The following SOX5 variants were observed in gnomAD, a reference collection of about 807,000 sequenced individuals.
SOX5 encodes transcription factor SOX-5.
In SOX5, 9 loss-of-function variants were observed where a neutral mutation model predicts 92.0. The ratio of observed to expected loss-of-function variants is 0.10; its 90% confidence interval spans 0.06 to 0.17. SOX5 has a LOEUF of 0.17. Among genes scored for constraint, SOX5 ranks in the 10% least tolerant of loss-of-function variants. SOX5 has a pLI of 1.00. For missense variants in SOX5, 642 were observed against 944.5 expected (o/e 0.68, Z 4.20); for synonymous variants, 344 against 336.3 (o/e 1.02, Z -0.25).
rs12322104 is a variant in SOX5 at position 24,393,627 on chromosome 12, C to A, written c.-250-24988G>T. Among the ~76,000 whole-genome samples the A allele has an allele frequency of 6.6e-6, 1 of 152,164 alleles. No homozygotes were observed. Among genetic ancestry groups the A allele is most frequent in the South Asian group, 2.1e-4 (1 of 4,810 alleles). On this transcript the variant is annotated intron_variant, in intron 1 of 4. Transcript: ENST00000446891. The surrounding 1 kb of genome is among the most constrained non-coding windows in gnomAD (Gnocchi z 5.0). ...ATTATGAAATAGATAATCTTTTATACGGATTACGCTTTAAGACATGGCCCT... is the reference window on the plus strand; with the variant it reads ...ATTATGAAATAGATAATCTTTTATAAGGATTACGCTTTAAGACATGGCCCT...
intron 3 of SOX5, among the ~76,000 whole-genome samples, chr12:24,254,212 G>A (rs754454121): frequency 2.0e-5 from 3 of 151,506 alleles, no homozygotes; most frequent in African/African-American, 4.9e-5. Flanking sequence ...GGGTCTCATC[G>A]GGACATAATT....
intron 4 of SOX5, among the ~76,000 whole-genome samples, chr12:23,983,105 ATT>A (rs62869160): frequency 1.2e-3 from 170 of 145,152 alleles, no homozygotes; most frequent in Middle Eastern, 3.6e-3. Flanking sequence ...TCTGGAGTCC[ATT>A]TTTTTTTTTT....
intron 3 of SOX5, among the ~76,000 whole-genome samples, chr12:23,820,206 T>G (rs10842227): frequency 0.17 from 26,027 of 152,220 alleles, 2,782 homozygotes; most frequent in East Asian, 0.51. Flanking sequence ...TTTCATGTTT[T>G]TTGGCCGCAT....
chr12:23,647,964 T>A (rs928045646), intron 7 of SOX5, among the ~76,000 whole-genome samples: 4 of 152,242 alleles, frequency 2.6e-5, no homozygotes, highest in African/African-American at 9.6e-5. Context: ...TCGCAACTTG[T>A]CTGTCTCGTG....
chr12:24,333,998 C>T (rs1016195233), intron 2 of SOX5, among the ~76,000 whole-genome samples: 8 of 151,180 alleles, frequency 5.3e-5, no homozygotes, highest in Non-Finnish European at 1.0e-4. Flanking sequence ...TTAATATAAC[C>T]CTGAAACAAA....
chr12:24,193,399 C>A (rs2139433283), intron 4 of SOX5, among the ~76,000 whole-genome samples: 1 of 152,322 alleles, frequency 6.6e-6, no homozygotes, highest in South Asian at 2.1e-4. Context: ...TGAAGTCAAT[C>A]CTGACTCAGA....
intron 9 of SOX5, among the ~76,000 whole-genome samples, chr12:23,603,455 T>TATATATATATAAA (rs1202592393): frequency 6.9e-6 from 1 of 144,946 alleles, no homozygotes; most frequent in Non-Finnish European, 1.5e-5. Flanking sequence ...AATATATATA[T>TATATATATATAAA]ATATATATAT....
At chr12:24,195,532 G>A (rs1423742700) in intron 4 of SOX5, among the ~76,000 whole-genome samples, 2 of 152,000 alleles carry the variant, frequency 1.3e-5, no homozygotes, top group Non-Finnish European at 2.9e-5. Context: ...AACAAGCTTT[G>A]GCAAATTTAA....
At position 24,512,873 on chromosome 12, in the gene SOX5, C is replaced by T. The variant is rs572563796; in HGVS notation, c.-251+49456G>A. Among the ~76,000 whole-genome samples the T allele has an allele frequency of 3.7e-4, 56 of 152,318 alleles. 1 individual carries two copies. The South Asian group carries it at 0.011, about 29-fold the overall frequency. ...TTTGTGTTAACTTGATAGAAAAAAA[C>T]ATTAGGTAGGCTTAATCAAGTTAAT... On this transcript the variant is annotated intron_variant, in intron 1 of 4. Transcript: ENST00000446891.
chr12:24,031,257 A>T (rs981815847), intron 4 of SOX5, among the ~76,000 whole-genome samples: 1 of 151,272 alleles, frequency 6.6e-6, no homozygotes, highest in African/African-American at 2.4e-5. Flanking sequence ...CTACACTCTC[A>T]TGTTTACTGT....
intron 4 of SOX5, among the ~76,000 whole-genome samples, chr12:24,123,367 T>C (rs1000198028): frequency 6.6e-6 from 1 of 152,242 alleles, no homozygotes; most frequent in African/African-American, 2.4e-5. Context: ...ATCATTTTCT[T>C]CTTTTTTAAA....
intron 6 of SOX5, among the ~76,000 whole-genome samples, chr12:23,716,548 A>T (rs1035788274): frequency 2.0e-5 from 3 of 152,214 alleles, no homozygotes; most frequent in Non-Finnish European, 4.4e-5. Flanking sequence ...GGAAAAAGAA[A>T]CACCAACAAG....
At chr12:24,057,546 T>C (rs1958254457) in intron 4 of SOX5, among the ~76,000 whole-genome samples, 1 of 152,220 alleles carries the variant, frequency 6.6e-6, no homozygotes. Context: ...TTAAATTTCA[T>C]CGCAAATGCA....
At chr12:24,178,481 C>A (rs557459661) in intron 4 of SOX5, among the ~76,000 whole-genome samples, 1 of 152,094 alleles carries the variant, frequency 6.6e-6, no homozygotes, top group Non-Finnish European at 1.5e-5. Context: ...GAGTTCCAAG[C>A]AGAACTGGGG....
At chr12:23,691,967 A>C (rs1166205058) in intron 6 of SOX5, among the ~76,000 whole-genome samples, 3 of 152,072 alleles carry the variant, frequency 2.0e-5, no homozygotes, top group Non-Finnish European at 4.4e-5. Flanking sequence ...GTGACTCATT[A>C]ATTTTCTTTA....
intron 6 of SOX5, among the ~76,000 whole-genome samples, chr12:23,728,770 C>A (rs2093270657): frequency 6.6e-6 from 1 of 151,980 alleles, no homozygotes; most frequent in South Asian, 2.1e-4. Context: ...GGCCATTAAG[C>A]CTTAAATGGT....
chr12:23,686,080 C>A lies in SOX5; in HGVS notation c.811-20516G>T, dbSNP rs146070879. ...TAAGTCCCTGGTATAATTTCTAATT[C>A]TTTAATCCAGGTAATGAAGTGAGCT... On this transcript the variant is annotated intron_variant, in intron 6 of 14. Transcript: ENST00000451604. 1.1e-4 allele frequency among the ~76,000 whole-genome samples: 17 copies of A among 152,234 alleles called. No homozygotes were observed. The South Asian group carries it at 2.5e-3, about 22-fold the overall frequency.
At chr12:23,935,919 T>C (rs1942444811) in intron 1 of SOX5, among the ~76,000 whole-genome samples, 1 of 151,126 alleles carries the variant, frequency 6.6e-6, no homozygotes, top group African/African-American at 2.4e-5. Flanking sequence ...TTAAGAGGGA[T>C]AATTAGAGTT....
At chr12:23,922,966 G>C (rs550317951) in intron 1 of SOX5, among the ~76,000 whole-genome samples, 1 of 149,630 alleles carries the variant, frequency 6.7e-6, no homozygotes, top group East Asian at 2.0e-4. Context: ...TTGTTTTTGA[G>C]ACGGAGTCTC....
Sources: allele counts gnomAD v4.1 joint callset (sites outside exome capture counted in the v4.1 genomes callset), GRCh38; gene constraint gnomAD v4.1.1; non-coding constraint Gnocchi (gnomAD v3.1); transcripts MANE v1.5; gene names NCBI Gene and HGNC (gene_info 2026-07-23, HGNC 2026-07-21).